The following UNC13A variants were observed in gnomAD, a reference collection of about 807,000 sequenced individuals.
UNC13A encodes the protein protein unc-13 homolog A.
In UNC13A, 61 loss-of-function variants were observed where a neutral mutation model predicts 219.7. The observed-to-expected ratio is 0.28, with a 90% CI of 0.23 to 0.34. UNC13A has a LOEUF of 0.34. Among genes scored for constraint, UNC13A ranks in the 10% least tolerant of loss-of-function variants. UNC13A has a pLI of 1.00. For synonymous variants in UNC13A, 920 were observed against 884.6 expected, an observed-to-expected ratio of 1.04 and a Z score of -0.71; for missense variants, 1,476 against 2,270.3, an observed-to-expected ratio of 0.65 and a Z score of 7.11.
chr19:17,648,720 C>A, intron 15 of UNC13A, 70 bp from the exon 16 acceptor site: 1 of 1,563,388 alleles, frequency 6.4e-7, no homozygotes, highest in South Asian at 1.2e-5. Flanking sequence ...CCCCATTCCG[C>A]CCCATCACTG....
In UNC13A at chr19:17,647,533, G is replaced by A. The variant is rs138370019; in HGVS notation, c.1817-41C>T. 96 of 1,581,936 alleles carry A rather than the reference G, an allele frequency of 6.1e-5. No homozygotes were observed. The East Asian group carries it at 2.0e-3, about 33-fold the overall frequency. On this transcript the variant is annotated intron_variant, in intron 16 of 43. Transcript: ENST00000519716. ...GCCGGCGCTGACCCCAGCGCGCCCT[G>A]CATAGTGGCCCCTCACCAAGGCGAG...
intron 1 of UNC13A, among the ~76,000 whole-genome samples, chr19:17,686,908 C>T (rs749172513): frequency 8.6e-5 from 13 of 152,034 alleles, no homozygotes; most frequent in Non-Finnish European, 1.8e-4. Context: ...GAGTTCAGCA[C>T]ACGCACGCTT....
At chr19:17,688,132 A>G in intron 1 of UNC13A, 46 bp downstream of exon 1, 2 of 1,518,722 alleles carry the variant, frequency 1.3e-6, no homozygotes, top group Non-Finnish European at 8.8e-7. Flanking sequence ...CCCCGACCCC[A>G]GCCCGCGTCC....
chr19:17,632,772 G>A lies in UNC13A; in HGVS notation c.3428+10C>T. 1 of 1,613,558 alleles carries A rather than the reference G, an allele frequency of 6.2e-7. No homozygotes were observed. Among genetic ancestry groups the A allele is most frequent in the Non-Finnish European group, 8.5e-7 (1 of 1,179,868 alleles). On this transcript the variant is annotated intron_variant, in intron 28 of 43. Coordinates refer to ENST00000519716, the MANE Select transcript of UNC13A (RefSeq NM_001080421.3). The stretch of plus-strand genomic sequence containing the variant: ...TCTGGCTTGGGTTGGGCCTGGGGCA[G>A]GGGACTTACGCAGGGTACTCAGGCA...
In UNC13A at chr19:17,672,282, G is replaced by C. The variant is rs375014608; in HGVS notation, c.270+96C>G. Reference sequence around the variant, plus strand: ...AAGTGTCTACATTGATGTTGTCAGGGGATAGGAGATAAATGCCCATCTTGT... The same window carrying C: ...AAGTGTCTACATTGATGTTGTCAGGCGATAGGAGATAAATGCCCATCTTGT... On this transcript the variant is annotated intron_variant, in intron 4 of 43. Transcript: ENST00000519716. 1.7e-4 allele frequency: 163 copies of C among 954,198 alleles called. No individual in the cohort carries two copies. In the African/African-American group the frequency reaches 2.2e-3, roughly 13 times the overall value. 59.1% of individuals were successfully genotyped at this position (954,198 alleles called of 1,614,324 possible).
chr19:17,678,814 T>G (rs1599416696), intron 1 of UNC13A, among the ~76,000 whole-genome samples: 1 of 147,046 alleles, frequency 6.8e-6, no homozygotes, highest in Non-Finnish European at 1.5e-5. Context: ...GGATCGGGGG[T>G]GGAGGGGATG....
At chr19:17,609,548 CCT>C (rs1224204172) in intron 43 of UNC13A, among the ~76,000 whole-genome samples, 1 of 152,014 alleles carries the variant, frequency 6.6e-6, no homozygotes, top group Non-Finnish European at 1.5e-5. Context: ...TCCCCAGGTC[CCT>C]CAGCCCCCCG....
At chr19:17,636,237 G>C (rs1454024077) in intron 25 of UNC13A, 80 bp from the exon 26 acceptor site, 4 of 1,448,678 alleles carry the variant, frequency 2.8e-6, no homozygotes, top group African/African-American at 1.4e-5. Flanking sequence ...AAGAACAAGA[G>C]GTTTTAGAGG....
Position 17,655,326 on chromosome 19 carries a change from G to T in UNC13A, c.1340C>A (p.Ala447Asp). 6.3e-7 allele frequency: 1 copy of T among 1,592,538 alleles called. No homozygotes were observed. The change falls in exon 11 of 44, where the codon GCC becomes GAC. Residue 447 changes from alanine to aspartate, a missense_variant. Physicochemically the swap from Ala to Asp is moderately radical, Grantham distance 126. Around this residue, in one of 14 missense-constraint regions of UNC13A, gnomAD observed 351 missense variants for 342.6 expected, o/e 1.02. Transcript: ENST00000519716. ...GQEGQDSMSR[A>D]KANWLRAFNK... ...GAAGGCACGCAGCCAGTTGGCCTTG[G>T]CCCTGGACATGGAGTCCTGCCCCTC...
intron 43 of UNC13A, among the ~76,000 whole-genome samples, chr19:17,607,460 C>CG (rs113739921): frequency 0.35 from 13,899 of 39,862 alleles, 2,024 homozygotes; most frequent in Middle Eastern, 0.49. Context: ...ATGGGGGTGG[C>CG]GGGGGGGGGG....
chr19:17,659,893 C>A (rs1378116264), intron 8 of UNC13A, among the ~76,000 whole-genome samples: 1 of 152,146 alleles, frequency 6.6e-6, no homozygotes, highest in Admixed American at 6.5e-5. Flanking sequence ...AACCTTCAGA[C>A]TTTTGCTGTA....
At position 17,611,734 on chromosome 19, in the gene UNC13A, G is replaced by A. The variant is rs866263461; in HGVS notation, c.4651+29C>T. On this transcript the variant is annotated intron_variant, in intron 42 of 43. Coordinates refer to ENST00000519716, the MANE Select transcript of UNC13A (RefSeq NM_001080421.3). ...AGTTTGGTTTCTGTTTTAGAACCTA[G>A]CAAGTCCCTCCCACCTCAGACCACT... The A allele has an allele frequency of 1.9e-6, 3 of 1,598,286 alleles. No homozygotes were observed. In the Admixed American group the frequency reaches 5.0e-5, roughly 27 times the overall value.
chr19:17,674,598 G>T lies in UNC13A; in HGVS notation c.152+59C>A. On this transcript the variant is annotated intron_variant, in intron 3 of 43. Transcript: ENST00000519716. The surrounding 1 kb of genome is among the most constrained non-coding windows in gnomAD (Gnocchi z 5.0). ...CCAGTGTCCAGCTCTGCCCTGAGGG[G>T]CCAGCGAGGTGCTGGGCTATGCCAG... 6.7e-7 allele frequency: 1 copy of T among 1,498,216 alleles called. No individual in the cohort carries two copies. Among genetic ancestry groups the T allele is most frequent in the Non-Finnish European group, 9.3e-7 (1 of 1,079,732 alleles). The allele number at this position is 1,498,216 out of a possible 1,614,324, so 92.8% of individuals were successfully genotyped here.
At chr19:17,619,649 T>A (rs1305963073) in intron 38 of UNC13A, among the ~76,000 whole-genome samples, 1 of 152,012 alleles carries the variant, frequency 6.6e-6, no homozygotes, top group Non-Finnish European at 1.5e-5. Context: ...TCCAGGCTGG[T>A]CTTGAATTCC....
chr19:17,673,301 G>T (rs2145910389), intron 3 of UNC13A, among the ~76,000 whole-genome samples: 1 of 147,676 alleles, frequency 6.8e-6, no homozygotes, highest in South Asian at 2.1e-4. Context: ...AGGTTGCGGT[G>T]AGCCGAGATC....
intron 1 of UNC13A, among the ~76,000 whole-genome samples, chr19:17,685,564 A>G (rs2080091956): frequency 6.6e-6 from 1 of 152,166 alleles, no homozygotes; most frequent in Admixed American, 6.5e-5. Flanking sequence ...GGATACATCT[A>G]TATGCGTGCT....
In UNC13A at chr19:17,606,329, C is replaced by G. The variant is rs780610012; in HGVS notation, c.4837G>C (p.Glu1613Gln). 5.2e-6 allele frequency: 8 copies of G among 1,547,390 alleles called. No homozygotes were observed. In the African/African-American group the frequency reaches 5.5e-5, roughly 11 times the overall value. The change falls in exon 44 of 44, where the codon GAG (glutamate) becomes CAG (glutamine). Residue 1613 changes from glutamate (E) to glutamine (Q), a missense_variant. Glu to Gln is a conservative substitution (Grantham distance 29). This residue lies in a region of UNC13A where 187 missense variants were observed against 172.3 expected (regional missense o/e 1.09). Coordinates refer to ENST00000519716, the MANE Select transcript of UNC13A (RefSeq NM_001080421.3). Reference protein sequence around the residue: ...QFTLSADAGPECYELQVCVKD... With the variant: ...QFTLSADAGPQCYELQVCVKD... ...ACGCACACCTGCAGCTCATAGCACT[C>G]GGGACCCGCGTCGGCGCTCAGCGTG...
intron 28 of UNC13A, among the ~76,000 whole-genome samples, chr19:17,631,947 G>A (rs1169420312): frequency 2.0e-5 from 3 of 152,056 alleles, no homozygotes; most frequent in Non-Finnish European, 4.4e-5. Flanking sequence ...GTCTCACTTT[G>A]TTGCCCCAGC....
At chr19:17,639,387 T>C (rs755018989) in intron 24 of UNC13A, 49 bp downstream of exon 24, 3 of 1,588,328 alleles carry the variant, frequency 1.9e-6, no homozygotes, top group Non-Finnish European at 2.6e-6. Flanking sequence ...GAGCTGGGGA[T>C]CCTAGAGAAC....
Sources: allele counts gnomAD v4.1 joint callset (sites outside exome capture counted in the v4.1 genomes callset), GRCh38; gene constraint gnomAD v4.1.1; regional missense constraint gnomAD v4.1.1; non-coding constraint Gnocchi (gnomAD v3.1); transcripts MANE v1.5; gene names NCBI Gene and HGNC (gene_info 2026-07-23, HGNC 2026-07-21).